Variants in PDGFRL observed in about 807,000 individuals in gnomAD.
The protein encoded by PDGFRL is platelet-derived growth factor receptor-like protein.
Under a neutral mutation model 37.2 loss-of-function variants are expected in PDGFRL, and 46 were observed. The ratio of observed to expected loss-of-function variants is 1.24; its 90% CI spans 0.98 to 1.58. The LOEUF is 1.58. Among genes scored for constraint, PDGFRL ranks in the 40% most tolerant of loss-of-function variants. PDGFRL has a pLI of 0.00. For synonymous variants in PDGFRL, 251 were observed against 184.3 expected, an observed-to-expected ratio of 1.36 and a Z score of -2.93; for missense variants, 692 against 467.6, an observed-to-expected ratio of 1.48 and a Z score of -4.43.
At chr8:17,603,278 C>T (rs781061803) in intron 2 of PDGFRL, among the ~76,000 whole-genome samples, 5 of 152,184 alleles carry the variant, frequency 3.3e-5, no homozygotes, top group African/African-American at 7.2e-5. Flanking sequence ...TGAGCCACCA[C>T]GCCCAGCCCA....
At chr8:17,577,191 C>T, upstream of PDGFRL, 3 of 1,575,544 alleles carry the variant, frequency 1.9e-6, no homozygotes, top group South Asian at 3.5e-5. Context: ...CCGCCGCCTC[C>T]CCTGCGTCCC....
rs568705292 is a variant in PDGFRL at position 17,628,846 on chromosome 8, C to G, written c.799+66C>G. On this transcript the variant is annotated intron_variant, in intron 4 of 5. Transcript: ENST00000251630. ...TGGTCAGTTTCAGGTACTGCTGTTC[C>G]CTGCCTGCAGATGGAATAAGGAAGC... 3.7e-6 allele frequency: 4 copies of G among 1,072,140 alleles called. No homozygotes were observed. In the African/African-American group the frequency reaches 4.6e-5, roughly 12 times the overall value. The allele number at this position is 1,072,140 out of a possible 1,614,324, so 66.4% of individuals were successfully genotyped here.
intron 2 of PDGFRL, among the ~76,000 whole-genome samples, chr8:17,592,282 C>A (rs572390722): frequency 6.6e-6 from 1 of 152,320 alleles, no homozygotes; most frequent in South Asian, 2.1e-4. Flanking sequence ...AGCACTTGAG[C>A]CTTCTTCCAG....
At chr8:17,589,957 T>C (rs988660794) in intron 2 of PDGFRL, among the ~76,000 whole-genome samples, 192 bp downstream of exon 2, 7 of 151,644 alleles carry the variant, frequency 4.6e-5, no homozygotes, top group African/African-American at 7.3e-5. Flanking sequence ...GCAGGCCGGG[T>C]GCGGTGGCTC....
At chr8:17,599,571 A>G (rs1335698813) in intron 2 of PDGFRL, among the ~76,000 whole-genome samples, 1 of 152,180 alleles carries the variant, frequency 6.6e-6, no homozygotes. Flanking sequence ...TTGTCTGCAC[A>G]TGGACCCTGA....
At chr8:17,620,756 G>A (rs1585324626) in intron 2 of PDGFRL, among the ~76,000 whole-genome samples, 2 of 151,982 alleles carry the variant, frequency 1.3e-5, no homozygotes, top group South Asian at 2.1e-4. Flanking sequence ...ATTGTATTAC[G>A]CTGAAAAGCC....
chr8:17,633,368 C>T (rs1401768559), intron 4 of PDGFRL, among the ~76,000 whole-genome samples: 12 of 152,138 alleles, frequency 7.9e-5, no homozygotes. Context: ...TTTGAGGCTG[C>T]AGAGAGTTAA....
chr8:17,597,172 C>T (rs555015526), intron 2 of PDGFRL, among the ~76,000 whole-genome samples: 53 of 152,202 alleles, frequency 3.5e-4, no homozygotes, highest in Admixed American at 1.6e-3. Context: ...AGGTATCTGC[C>T]GCCACACCTG....
At chr8:17,580,404 CACA>C (rs1225044477) in intron 1 of PDGFRL, among the ~76,000 whole-genome samples, 108 of 152,050 alleles carry the variant, frequency 7.1e-4, no homozygotes, top group Non-Finnish European at 8.8e-5. Flanking sequence ...TTTATGAATG[CACA>C]TAATGAATGC....
chr8:17,634,297 C>G, intron 5 of PDGFRL, 84 bp downstream of exon 5: 2 of 1,101,272 alleles, frequency 1.8e-6, no homozygotes, highest in South Asian at 1.5e-5. Flanking sequence ...TTCGTCCCCA[C>G]CCAGTGCTAT....
intron 1 of PDGFRL, among the ~76,000 whole-genome samples, chr8:17,586,354 A>G (rs1803816564): frequency 6.6e-6 from 1 of 152,172 alleles, no homozygotes; most frequent in African/African-American, 2.4e-5. Flanking sequence ...TGTCATCCCC[A>G]GCATCAGGTT....
chr8:17,632,367 T>A (rs1335348417), intron 4 of PDGFRL, among the ~76,000 whole-genome samples: 1 of 151,260 alleles, frequency 6.6e-6, no homozygotes, highest in African/African-American at 2.4e-5. Flanking sequence ...TAATACAGAG[T>A]CTTGGCTCTG....
chr8:17,638,870 C>CG lies in PDGFRL; in HGVS notation c.940-3742dup, dbSNP rs1805035633. On this transcript the variant is annotated intron_variant, in intron 5 of 5. Transcript: ENST00000251630. Reference sequence around the variant, plus strand: ...TCTTTTTTAACTGCTGTTTCTTTAACGTTTGTTCTGTCTGATATAAGAACA... The same window carrying CG: ...TCTTTTTTAACTGCTGTTTCTTTAACGGTTTGTTCTGTCTGATATAAGAACA... 2.0e-5 allele frequency among the ~76,000 whole-genome samples: 3 copies of CG among 147,628 alleles called. No individual in the cohort carries two copies. In the South Asian group the frequency reaches 6.5e-4, roughly 32 times the overall value.
intron 2 of PDGFRL, among the ~76,000 whole-genome samples, chr8:17,616,035 A>AC (rs1804518408): frequency 6.6e-6 from 1 of 152,166 alleles, no homozygotes. Context: ...TATTGTTACT[A>AC]CAAGTCTGAA....
In PDGFRL at chr8:17,603,243, TC is replaced by T. The variant is rs1339083269; in HGVS notation, c.353+13479del. The stretch of plus-strand genomic sequence containing the variant: ...AAGTGATCCACCCACCACCTGGGCC[TC>T]GCTAAGTGCTGGGATTACAAGCATG... On this transcript the variant is annotated intron_variant, in intron 2 of 5. Coordinates refer to ENST00000251630, the MANE Select transcript of PDGFRL (RefSeq NM_001372073.1). 3.3e-5 allele frequency among the ~76,000 whole-genome samples: 5 copies of T among 152,272 alleles called. No homozygotes were observed. The East Asian group carries it at 9.7e-4, about 29-fold the overall frequency.
rs891667931 is a variant in PDGFRL at position 17,643,039 on chromosome 8, C to G, written c.*238C>G. On this transcript the variant is annotated 3_prime_UTR_variant, in exon 6 of 6. Transcript: ENST00000251630. ...TTGATTGCTTACCTACATACGTGTT[C>G]CTAGTTTTTATACATGTGTAAACAA... 2 of 417,850 alleles carry G rather than the reference C, an allele frequency of 4.8e-6. No individual in the cohort carries two copies. Among genetic ancestry groups the G allele is most frequent in the African/African-American group, 2.0e-5 (1 of 48,884 alleles). The allele number at this position is 417,850 out of a possible 1,614,324, so 25.9% of individuals were successfully genotyped here. A position where few individuals can be genotyped will look rare whatever the true frequency, so the allele number is the denominator to read the frequency against.
intron 3 of PDGFRL, among the ~76,000 whole-genome samples, chr8:17,622,438 G>T (rs933792355): frequency 1.3e-5 from 2 of 152,032 alleles, no homozygotes; most frequent in Non-Finnish European, 2.9e-5. Flanking sequence ...CTAGACATAG[G>T]CCTATGACCC....
intron 2 of PDGFRL, among the ~76,000 whole-genome samples, chr8:17,592,722 C>T (rs552751248): frequency 1.3e-5 from 2 of 152,186 alleles, no homozygotes; most frequent in South Asian, 2.1e-4. Flanking sequence ...GGCAGGCCCC[C>T]CCAGCTATGT....
At chr8:17,641,329 G>T (rs1805088355) in intron 5 of PDGFRL, among the ~76,000 whole-genome samples, 1 of 152,190 alleles carries the variant, frequency 6.6e-6, no homozygotes, top group Non-Finnish European at 1.5e-5. Flanking sequence ...GGTCAAAATT[G>T]TTACAAAGTT....
Sources: allele counts gnomAD v4.1 joint callset (sites outside exome capture counted in the v4.1 genomes callset), GRCh38; gene constraint gnomAD v4.1.1; transcripts MANE v1.5; gene names NCBI Gene and HGNC (gene_info 2026-07-23, HGNC 2026-07-21).